GRIN2B: variants seen among roughly 807,000 people sequenced by gnomAD.
GRIN2B encodes glutamate ionotropic receptor NMDA type subunit 2B.
GRIN2B carries 5 observed loss-of-function variants against 114.5 expected under a neutral mutation model. That is an observed-to-expected ratio of 0.04 (90% CI 0.02 to 0.09). The LOEUF is 0.09. Ranked by LOEUF, GRIN2B falls within the 10% of genes least tolerant of loss-of-function variation. The pLI is 1.00. For missense variants in GRIN2B, 1,108 were observed against 1,943.5 expected, an observed-to-expected ratio of 0.57 and a Z score of 8.08; for synonymous variants, 787 against 745.1, an observed-to-expected ratio of 1.06 and a Z score of -0.92.
At chr12:13,725,828 G>A (rs1340182628) in intron 4 of GRIN2B, among the ~76,000 whole-genome samples, 1 of 152,114 alleles carries the variant, frequency 6.6e-6, no homozygotes. Context: ...AAGGAGCCCA[G>A]AAATCAGAGC....
chr12:13,872,507 T>C (rs1437288451), intron 2 of GRIN2B, among the ~76,000 whole-genome samples: 1 of 151,888 alleles, frequency 6.6e-6, no homozygotes, highest in Non-Finnish European at 1.5e-5. Flanking sequence ...TTTTAAATAG[T>C]AATCATCATC....
At chr12:13,714,737 T>C (rs1448220405) in intron 4 of GRIN2B, among the ~76,000 whole-genome samples, 1 of 151,916 alleles carries the variant, frequency 6.6e-6, no homozygotes, top group Non-Finnish European at 1.5e-5. Context: ...TCACCTAATT[T>C]TTTTATTATT....
At chr12:13,900,747 T>C (rs983004291) in intron 2 of GRIN2B, among the ~76,000 whole-genome samples, 1 of 152,184 alleles carries the variant, frequency 6.6e-6, no homozygotes, top group Non-Finnish European at 1.5e-5. Flanking sequence ...TTGTTTGTTT[T>C]AGAACATTAC....
chr12:13,801,965 C>A (rs866569288), intron 3 of GRIN2B, among the ~76,000 whole-genome samples: 47 of 152,138 alleles, frequency 3.1e-4, no homozygotes, highest in Middle Eastern at 3.4e-3. Context: ...CTTGGTTCAA[C>A]CTTCCTTCTG....
intron 4 of GRIN2B, among the ~76,000 whole-genome samples, chr12:13,729,953 A>C (rs1302008393): frequency 2.0e-5 from 3 of 151,502 alleles, no homozygotes; most frequent in Non-Finnish European, 4.4e-5. Context: ...TTGTCAGCAC[A>C]TGTATCTTTG....
intron 4 of GRIN2B, among the ~76,000 whole-genome samples, chr12:13,726,520 G>A (rs1862989122): frequency 6.8e-6 from 1 of 146,206 alleles, no homozygotes; most frequent in African/African-American, 2.7e-5. Flanking sequence ...GGACAAAAGA[G>A]CGAGACTCTG....
intron 3 of GRIN2B, among the ~76,000 whole-genome samples, chr12:13,863,771 G>A (rs184183330): frequency 5.7e-4 from 87 of 152,246 alleles, no homozygotes; most frequent in Non-Finnish European, 9.4e-4. Context: ...GAAGCAATCA[G>A]CTAGTTTAGG....
At chr12:13,777,757 G>T (rs1864030833) in intron 3 of GRIN2B, among the ~76,000 whole-genome samples, 1 of 152,106 alleles carries the variant, frequency 6.6e-6, no homozygotes, top group Non-Finnish European at 1.5e-5. Context: ...CATATTAAAG[G>T]TGCTAAGTAT....
At chr12:13,812,127 G>A (rs1864741157) in intron 3 of GRIN2B, among the ~76,000 whole-genome samples, 1 of 152,048 alleles carries the variant, frequency 6.6e-6, no homozygotes, top group Admixed American at 6.5e-5. Context: ...TTAAAGTTTT[G>A]AGTTAATCAA....
At chr12:13,817,966 T>C (rs1864860517) in intron 3 of GRIN2B, among the ~76,000 whole-genome samples, 2 of 152,174 alleles carry the variant, frequency 1.3e-5, no homozygotes, top group African/African-American at 2.4e-5. Flanking sequence ...GTAGTGGCAA[T>C]TGTTATCGTT....
Position 13,567,249 on chromosome 12 carries a change from G to A in GRIN2B, c.2374C>T (p.Leu792=), listed in dbSNP as rs1317710921. 6.2e-7 allele frequency: 1 copy of A among 1,613,278 alleles called. No individual in the cohort carries two copies. ...ATGCCAGTGAGCCAGAGAGCTTCCA[G>A]TTCTTCCATCTCCCCTGGGGAAAGG... ...QLFGDGEMEE[L]EALWLTGICH... is the part of the protein sequence containing the mutation. Residue 792 remains leucine, a synonymous_variant, in exon 13 of 14, where the codon CTG becomes TTG. Coordinates refer to ENST00000609686, the MANE Select transcript of GRIN2B (RefSeq NM_000834.5).
In GRIN2B at chr12:13,547,981, A is replaced by ATTTTTTTTTTTTTTTTTTTTT. The variant is rs57206826; in HGVS notation, c.*14801_*14802insAAAAAAAAAAAAAAAAAAAAA. Reference sequence around the variant, plus strand: ...TGTGTATATATATATATATATATATATTTTTTTTTTTTTTCTGAAAGCTAC... The same window carrying ATTTTTTTTTTTTTTTTTTTTT: ...TGTGTATATATATATATATATATATATTTTTTTTTTTTTTTTTTTTTTTTTTTTTTTTTTTCTGAAAGCTAC... On this transcript the variant is annotated 3_prime_UTR_variant, in exon 14 of 14. Coordinates refer to ENST00000609686, the MANE Select transcript of GRIN2B (RefSeq NM_000834.5). The ATTTTTTTTTTTTTTTTTTTTT allele has an allele frequency of 5.8e-5, 4 of 68,576 alleles. No homozygotes were observed. Among genetic ancestry groups the ATTTTTTTTTTTTTTTTTTTTT allele is most frequent in the Non-Finnish European group, 1.2e-4 (4 of 34,408 alleles). The allele number at this position is 68,576 out of a possible 1,614,324, so 4.2% of individuals were successfully genotyped here.
intron 2 of GRIN2B, among the ~76,000 whole-genome samples, chr12:13,958,203 G>C (rs540275317): frequency 6.6e-6 from 1 of 152,342 alleles, no homozygotes; most frequent in Non-Finnish European, 1.5e-5. Flanking sequence ...TTTACTAATA[G>C]TGGACTAATA....
chr12:13,611,323 T>G (rs902227702), intron 9 of GRIN2B, among the ~76,000 whole-genome samples: 1 of 152,206 alleles, frequency 6.6e-6, no homozygotes, highest in Non-Finnish European at 1.5e-5. Context: ...CCTGCATATA[T>G]CCTGGGGCAA....
intron 2 of GRIN2B, among the ~76,000 whole-genome samples, chr12:13,942,946 C>A (rs924320803): frequency 1.3e-5 from 2 of 152,218 alleles, no homozygotes; most frequent in Middle Eastern, 3.4e-3. Flanking sequence ...ATTTTGATCA[C>A]ATCCTTGACC....
chr12:13,888,626 C>T (rs945560017), intron 2 of GRIN2B, among the ~76,000 whole-genome samples: 8 of 151,178 alleles, frequency 5.3e-5, no homozygotes, highest in African/African-American at 1.2e-4. Context: ...CCCAGCTACT[C>T]GGGAGGCTGA....
At chr12:13,858,476 A>C (rs1474874921) in intron 3 of GRIN2B, among the ~76,000 whole-genome samples, 2 of 152,224 alleles carry the variant, frequency 1.3e-5, no homozygotes, top group Non-Finnish European at 2.9e-5. Context: ...AAAGAATCAC[A>C]GAAGTCTCAG....
rs556121789 is a variant in GRIN2B at position 13,814,387 on chromosome 12, T to G, written c.411+51411A>C. Among the ~76,000 whole-genome samples the G allele has an allele frequency of 2.0e-5, 3 of 152,330 alleles. No individual in the cohort carries two copies. In the South Asian group the frequency reaches 6.2e-4, roughly 32 times the overall value. On this transcript the variant is annotated intron_variant, in intron 3 of 13. Coordinates refer to ENST00000609686, the MANE Select transcript of GRIN2B (RefSeq NM_000834.5). ...AGAGTCGTTAAAAAGCAAGGTTTTGTGTGTTTGTTTTAGTGTAATGCTTAT... is the reference window on the plus strand; with the variant it reads ...AGAGTCGTTAAAAAGCAAGGTTTTGGGTGTTTGTTTTAGTGTAATGCTTAT...
intron 2 of GRIN2B, among the ~76,000 whole-genome samples, chr12:13,951,266 C>T (rs1370195312): frequency 6.6e-6 from 1 of 152,076 alleles, no homozygotes; most frequent in Admixed American, 6.5e-5. Flanking sequence ...GTACAGGGAA[C>T]CTCCTGTATG....
Sources: allele counts gnomAD v4.1 joint callset (sites outside exome capture counted in the v4.1 genomes callset), GRCh38; gene constraint gnomAD v4.1.1; transcripts MANE v1.5; gene names NCBI Gene and HGNC (gene_info 2026-07-23, HGNC 2026-07-21).